The following SP4 variants were observed in gnomAD, a reference collection of about 807,000 sequenced individuals.
SP4 encodes the protein transcription factor Sp4.
In SP4, 19 loss-of-function variants were observed where a neutral mutation model predicts 72.8. The observed-to-expected ratio is 0.26, with a 90% CI of 0.18 to 0.38. The LOEUF (loss-of-function observed/expected upper bound fraction) is 0.38, where lower values mean the gene tolerates loss of function less well. SP4 is among the 10% of genes least tolerant of loss of function. The pLI is 1.00. For missense variants in SP4, 1,008 were observed against 926.3 expected (o/e 1.09, Z -1.14); for synonymous variants, 395 against 333.1 (o/e 1.19, Z -2.02).
At chr7:21,510,129 TG>T (rs1583454112) in intron 5 of SP4, among the ~76,000 whole-genome samples, 1 of 152,188 alleles carries the variant, frequency 6.6e-6, no homozygotes, top group Non-Finnish European at 1.5e-5. Flanking sequence ...GTGGGAATTA[TG>T]GGAGCACAAT....
At chr7:21,477,418 T>C in intron 4 of SP4, 111 bp downstream of exon 4, 1 of 672,770 alleles carries the variant, frequency 1.5e-6, no homozygotes, top group Non-Finnish European at 2.6e-6. Context: ...CTTTGTAGCC[T>C]AGAAGTTGAT....
At chr7:21,477,022 A>G (rs1447367464) in intron 3 of SP4, 57 bp from the exon 4 acceptor site, 22 of 1,328,824 alleles carry the variant, frequency 1.7e-5, no homozygotes, top group Non-Finnish European at 1.2e-5. Flanking sequence ...TTTTTTTTTA[A>G]TCCTTTCTTT....
intron 3 of SP4, among the ~76,000 whole-genome samples, chr7:21,463,076 C>CTTT: frequency 7.3e-6 from 1 of 137,894 alleles, no homozygotes; most frequent in East Asian, 2.1e-4. Flanking sequence ...AATAACTTTT[C>CTTT]TTTTTTTTTT....
intron 3 of SP4, among the ~76,000 whole-genome samples, chr7:21,476,296 A>AAG (rs1784499748): frequency 1.3e-5 from 2 of 150,732 alleles, no homozygotes; most frequent in South Asian, 4.2e-4. Flanking sequence ...AAAAAAAAAA[A>AAG]GCATTGTATT....
intron 5 of SP4, among the ~76,000 whole-genome samples, chr7:21,491,536 A>G (rs533817949): frequency 6.6e-6 from 1 of 152,278 alleles, no homozygotes; most frequent in South Asian, 2.1e-4. Context: ...CATGTTAGGT[A>G]TAATAGGTTC....
intron 4 of SP4, among the ~76,000 whole-genome samples, chr7:21,478,339 TTGTG>T (rs556367783): frequency 1.2e-4 from 19 of 152,170 alleles, no homozygotes; most frequent in African/African-American, 4.3e-4. Flanking sequence ...GTAGAACTGT[TTGTG>T]TGGGCATATG....
rs373264252 is a variant in SP4 at position 21,429,905 on chromosome 7, C to G, written c.740C>G (p.Pro247Arg). 6.2e-7 allele frequency: 1 copy of G among 1,614,004 alleles called. No individual in the cohort carries two copies. The highest frequency in any genetic ancestry group is 1.7e-5 in the Admixed American group (1 of 60,006). The change falls in exon 3 of 6, where the codon CCT (proline) becomes CGT (arginine). Residue 247 changes from proline to arginine, a missense_variant. Around this residue, in one of 3 missense-constraint regions of SP4, gnomAD observed 893 missense variants for 743.3 expected, o/e 1.20. Transcript: ENST00000222584. ...ATACCACTGCAGTTACAGACTCTTC[C>G]TGGTACTCAGGCTCAAGTTGTAACA... is the stretch of plus-strand genomic sequence containing the variant. ...VSIPLQLQTLPGTQAQVVTTL... is the reference protein window; with the variant it reads ...VSIPLQLQTLRGTQAQVVTTL...
chr7:21,433,660 G>A (rs1032308448), intron 3 of SP4, among the ~76,000 whole-genome samples: 2 of 152,180 alleles, frequency 1.3e-5, no homozygotes, highest in African/African-American at 4.8e-5. Context: ...CTAAGAGTGG[G>A]CCGGGTGCAG....
intron 5 of SP4, among the ~76,000 whole-genome samples, chr7:21,500,891 C>T (rs558033794): frequency 1.3e-5 from 2 of 152,276 alleles, no homozygotes; most frequent in East Asian, 3.9e-4. Flanking sequence ...GTGGGAAACA[C>T]ACATTCGCCT....
chr7:21,448,060 G>T (rs1427049044), intron 3 of SP4, among the ~76,000 whole-genome samples: 1 of 152,130 alleles, frequency 6.6e-6, no homozygotes, highest in African/African-American at 2.4e-5. Context: ...CCCCCGTGAA[G>T]AATTTTTTGA....
At chr7:21,435,659 T>C (rs1783027669) in intron 3 of SP4, among the ~76,000 whole-genome samples, 1 of 152,224 alleles carries the variant, frequency 6.6e-6, no homozygotes, top group Non-Finnish European at 1.5e-5. Context: ...ACTCCAGTAA[T>C]CTTATTTCTT....
intron 4 of SP4, among the ~76,000 whole-genome samples, chr7:21,480,306 A>G (rs1296153025): frequency 2.0e-5 from 3 of 152,202 alleles, no homozygotes; most frequent in African/African-American, 7.2e-5. Context: ...CCAAACTGGT[A>G]TTAATTCTTT....
At chr7:21,431,916 G>A (rs1782869294) in intron 3 of SP4, among the ~76,000 whole-genome samples, 3 of 152,102 alleles carry the variant, frequency 2.0e-5, no homozygotes, top group Admixed American at 2.0e-4. Flanking sequence ...TTCTTTTATG[G>A]TTAATACCTG....
chr7:21,455,261 C>T (rs1319770700), intron 3 of SP4, among the ~76,000 whole-genome samples: 2 of 152,198 alleles, frequency 1.3e-5, no homozygotes, highest in Non-Finnish European at 2.9e-5. Flanking sequence ...TGGCTTCCCA[C>T]ACCACTTGCA....
At position 21,513,257 on chromosome 7, in the gene SP4, G is replaced by C. The variant is rs1323818014; in HGVS notation, c.*1988G>C. ...CGTTATATAAAACTGAAGGTCTTTT[G>C]TGCTTTCAGTTTGTATAAAAAAGCT... On this transcript the variant is annotated 3_prime_UTR_variant, in exon 6 of 6. Transcript: ENST00000222584. 6.6e-6 allele frequency: 1 copy of C among 152,308 alleles called. No homozygotes were observed. The highest frequency in any genetic ancestry group is 1.5e-5 in the Non-Finnish European group (1 of 67,958). 9.4% of individuals were successfully genotyped at this position (152,308 alleles called of 1,614,324 possible).
chr7:21,465,263 A>T (rs1484066752), intron 3 of SP4, among the ~76,000 whole-genome samples: 1 of 152,180 alleles, frequency 6.6e-6, no homozygotes. Flanking sequence ...AAAGAGCAAT[A>T]CCTTCAAGCA....
At chr7:21,504,799 C>G (rs1781953638) in intron 5 of SP4, among the ~76,000 whole-genome samples, 1 of 152,056 alleles carries the variant, frequency 6.6e-6, no homozygotes, top group South Asian at 2.1e-4. Flanking sequence ...CTATTAGGGC[C>G]CCAACAAAGG....
chr7:21,471,191 A>G (rs779556737), intron 3 of SP4: 2 of 523,976 alleles, frequency 3.8e-6, no homozygotes, highest in Admixed American at 2.0e-5. Flanking sequence ...ATCATGAAGA[A>G]CTTTATGTAC....
chr7:21,495,327 T>C (rs1327246781), intron 5 of SP4, among the ~76,000 whole-genome samples: 2 of 152,054 alleles, frequency 1.3e-5, no homozygotes, highest in Non-Finnish European at 2.9e-5. Context: ...TGGGAGAAAG[T>C]GTTTGAAAAT....
Sources: gnomAD v4.1 joint callset for allele counts (sites outside exome capture counted in the v4.1 genomes callset) on GRCh38, gnomAD v4.1.1 for gene constraint, gnomAD v4.1.1 regional missense constraint, MANE v1.5 for transcripts, NCBI Gene and HGNC (gene_info 2026-07-23, HGNC 2026-07-21) for gene names.